The following CUL9 variants were observed in gnomAD, a reference collection of about 807,000 sequenced individuals.
CUL9 encodes cullin 9.
CUL9 carries 79 observed loss-of-function variants against 272.6 expected under a neutral mutation model. That is an observed-to-expected ratio of 0.29 (90% CI 0.24 to 0.35). The LOEUF (loss-of-function observed/expected upper bound fraction) is 0.35. Among genes scored for constraint, CUL9 ranks in the 10% least tolerant of loss-of-function variants. The probability of loss-of-function intolerance (pLI) is 1.00; values close to 1 mark genes in which losing one functional copy is unlikely to be tolerated. For missense variants in CUL9, 2,532 were observed against 3,255.6 expected (o/e 0.78, Z 5.41); for synonymous variants, 1,186 against 1,286.5 (o/e 0.92, Z 1.67).
intron 16 of CUL9, among the ~76,000 whole-genome samples, chr6:43,202,190 C>T (rs1774647619): frequency 6.6e-6 from 1 of 152,062 alleles, no homozygotes; most frequent in Admixed American, 6.6e-5. Context: ...GTTTTATTTC[C>T]CAGGAGAGAA....
chr6:43,192,012 GTTTATA>G (rs1463883178), intron 8 of CUL9, among the ~76,000 whole-genome samples: 1 of 143,456 alleles, frequency 7.0e-6, no homozygotes, highest in Non-Finnish European at 1.5e-5. Flanking sequence ...GTTATTACAA[GTTTATA>G]TTTATATTTT....
Position 43,222,266 on chromosome 6 carries a change from C to T in CUL9, c.6847-50C>T, listed in dbSNP as rs755506717. The T allele has an allele frequency of 1.4e-5, 21 of 1,497,756 alleles. 1 individual carries two copies. The highest frequency in any genetic ancestry group is 1.4e-4 in the South Asian group (12 of 88,256). The allele number at this position is 1,497,756 out of a possible 1,614,324, so 92.8% of individuals were successfully genotyped here. ...GTTGGCTTTTCCACTTATTAACTCC[C>T]TCCTGTCCAAACAAAACACCCAATA... On this transcript the variant is annotated intron_variant, in intron 35 of 40. Coordinates refer to ENST00000252050, the MANE Select transcript of CUL9 (RefSeq NM_015089.4).
intron 4 of CUL9, 24 bp downstream of exon 4, chr6:43,186,479 C>A: frequency 1.9e-6 from 3 of 1,564,752 alleles, no homozygotes; most frequent in Non-Finnish European, 2.6e-6. Flanking sequence ...GGTGGTGAGA[C>A]ACTGTTGGGA....
intron 26 of CUL9, among the ~76,000 whole-genome samples, chr6:43,211,568 A>T (rs763639246): frequency 1.8e-4 from 27 of 151,550 alleles, no homozygotes; most frequent in African/African-American, 4.8e-4. Context: ...AAAAACAAAT[A>T]AAAAAAAAGT....
At chr6:43,189,932 G>A (rs1773287308) in intron 8 of CUL9, among the ~76,000 whole-genome samples, 1 of 152,164 alleles carries the variant, frequency 6.6e-6, no homozygotes, top group Admixed American at 6.5e-5. Context: ...CTACAGATTT[G>A]CATTTGTAAT....
chr6:43,186,853 T>C lies in CUL9; in HGVS notation c.1252-107T>C, dbSNP rs1336978962. 3.0e-6 allele frequency: 4 copies of C among 1,352,824 alleles called. No homozygotes were observed. In the African/African-American group the frequency reaches 4.4e-5, roughly 15 times the overall value. The allele number at this position is 1,352,824 out of a possible 1,614,324, so 83.8% of individuals were successfully genotyped here. On this transcript the variant is annotated intron_variant, in intron 4 of 40. Coordinates refer to ENST00000252050, the MANE Select transcript of CUL9 (RefSeq NM_015089.4). ...GCTTAGCCAGGTGTGTATCTGAGGG[T>C]GCGCCCCAGATCTATGCTTGGGCAT...
Position 43,197,283 on chromosome 6 carries a change from G to T in CUL9, c.2803+421G>T, listed in dbSNP as rs1308605912. Among the ~76,000 whole-genome samples, 4 of 151,910 alleles carry T rather than the reference G, an allele frequency of 2.6e-5. No homozygotes were observed. In the East Asian group the frequency reaches 7.8e-4, roughly 29 times the overall value. On this transcript the variant is annotated intron_variant, in intron 11 of 40. Coordinates refer to ENST00000252050, the MANE Select transcript of CUL9 (RefSeq NM_015089.4). ...GCTGATCTGGAACTCCTGACCTCAG[G>T]AGATCCACTGCCTCGGCCTCCCAAA... is the stretch of plus-strand genomic sequence containing the variant.
rs1244516606 is a variant in CUL9 at position 43,218,531 on chromosome 6, G to C, written c.6283-1928G>C. The stretch of plus-strand genomic sequence containing the variant: ...GCGCCCGGCCCTACATTTTTTAAAA[G>C]ATCGCTTCTGCCGTTGTGTGGAGAA... On this transcript the variant is annotated intron_variant, in intron 31 of 40. Coordinates refer to ENST00000252050, the MANE Select transcript of CUL9 (RefSeq NM_015089.4). This position sits in a 1 kb window ranked among gnomAD's most constrained non-coding sequence, Gnocchi z 4.4. Among the ~76,000 whole-genome samples the C allele has an allele frequency of 6.6e-6, 1 of 152,208 alleles. No homozygotes were observed. Among genetic ancestry groups the C allele is most frequent in the Non-Finnish European group, 1.5e-5 (1 of 68,034 alleles).
chr6:43,204,591 T>G, intron 21 of CUL9, 52 bp downstream of exon 21: 1 of 1,607,468 alleles, frequency 6.2e-7, no homozygotes, highest in Non-Finnish European at 8.5e-7. Flanking sequence ...GTGGTGTATC[T>G]GGCTCCCTCC....
At chr6:43,204,102 C>T in intron 20 of CUL9, 115 bp downstream of exon 20, 1 of 1,344,090 alleles carries the variant, frequency 7.4e-7, no homozygotes, top group Non-Finnish European at 1.0e-6. Context: ...GAAGGCCTGT[C>T]ACCTCAGTGT....
Position 43,193,188 on chromosome 6 carries a change from G to A in CUL9, c.2368G>A (p.Val790Met). ...GCAAGAATATAAGACTTCTGTCTTG[G>A]TGCAGCAGGCTGGGCTGGCGGTGAG... The part of the protein sequence containing the change: ...CMQEYKTSVL[V>M]QQAGLAALKM... The change falls in exon 9 of 41, where the codon GTG (valine) becomes ATG (methionine). Residue 790 changes from valine (V) to methionine (M), a missense_variant. This residue lies in a region of CUL9 where 2,218 missense variants were observed against 2,788.6 expected (regional missense o/e 0.80). Transcript: ENST00000252050. 1 of 1,614,108 alleles carries A rather than the reference G, an allele frequency of 6.2e-7. No homozygotes were observed. The highest frequency in any genetic ancestry group is 2.2e-5 in the East Asian group (1 of 44,878).
Position 43,203,510 on chromosome 6 carries a change from T to C in CUL9, c.3943T>C (p.Cys1315Arg), listed in dbSNP as rs902893043. ...LFREQLCRRT[C>R]LFYTIRAQAW... ...CCGGGAGCAGCTGTGTCGCCGAACA[T>C]GTCTCTTCTACACAATTCGGGCACA... The change falls in exon 19 of 41, where the codon TGT (cysteine) becomes CGT (arginine). Residue 1315 changes from cysteine to arginine, a missense_variant. This residue lies in a region of CUL9 where 2,218 missense variants were observed against 2,788.6 expected (regional missense o/e 0.80). Coordinates refer to ENST00000252050, the MANE Select transcript of CUL9 (RefSeq NM_015089.4). This position sits in a 1 kb window ranked among gnomAD's most constrained non-coding sequence, Gnocchi z 5.0. The C allele has an allele frequency of 1.4e-5, 22 of 1,613,996 alleles. No homozygotes were observed. The highest frequency in any genetic ancestry group is 4.0e-5 in the African/African-American group (3 of 74,888).
At chr6:43,182,587 C>G (rs1158182607) in intron 1 of CUL9, among the ~76,000 whole-genome samples, 1 of 151,904 alleles carries the variant, frequency 6.6e-6, no homozygotes, top group African/African-American at 2.4e-5. Context: ...CTACCTCCTC[C>G]TATCCGATTC....
chr6:43,222,940 C>G (rs747336257), intron 38 of CUL9, 44 bp downstream of exon 38: 7 of 1,527,392 alleles, frequency 4.6e-6, no homozygotes, highest in South Asian at 2.3e-5. Context: ...GCCTCCTCCC[C>G]TCTGTTGCAC....
chr6:43,206,631 G>A lies in CUL9; in HGVS notation c.5212+121G>A. 1 of 803,648 alleles carries A rather than the reference G, an allele frequency of 1.2e-6. No homozygotes were observed. Among genetic ancestry groups the A allele is most frequent in the Admixed American group, 2.7e-5 (1 of 37,368 alleles). The allele number at this position is 803,648 out of a possible 1,614,324, so 49.8% of individuals were successfully genotyped here. A position where few individuals can be genotyped will look rare whatever the true frequency, so the allele number is the denominator to read the frequency against. ...AGAAAAATATCAGCTCCTAGCGAGG[G>A]ATGAGAAAGCATGGGTTGTAGTTTC... On this transcript the variant is annotated intron_variant, in intron 26 of 40. Coordinates refer to ENST00000252050, the MANE Select transcript of CUL9 (RefSeq NM_015089.4). The surrounding 1 kb of genome is among the most constrained non-coding windows in gnomAD (Gnocchi z 4.8).
chr6:43,211,565 A>T (rs138140745), intron 26 of CUL9, among the ~76,000 whole-genome samples: 2 of 152,300 alleles, frequency 1.3e-5, no homozygotes, highest in African/African-American at 4.8e-5. Context: ...CTCAAAAACA[A>T]ATAAAAAAAA....
rs1276232226 is a variant in CUL9 at position 43,199,789 on chromosome 6, T to A, written c.3157-140T>A. 1 of 689,144 alleles carries A rather than the reference T, an allele frequency of 1.5e-6. No individual in the cohort carries two copies. Among genetic ancestry groups the A allele is most frequent in the Non-Finnish European group, 2.5e-6 (1 of 396,386 alleles). 42.7% of individuals were successfully genotyped at this position (689,144 alleles called of 1,614,324 possible). The stretch of plus-strand genomic sequence containing the variant: ...CTCCTCTATTTTACTCCACCCTGAA[T>A]TTGGTACTCTTGTTTCCCTGGGCGT... On this transcript the variant is annotated intron_variant, in intron 13 of 40. Transcript: ENST00000252050. The surrounding 1 kb of genome is among the most constrained non-coding windows in gnomAD (Gnocchi z 4.4).
chr6:43,203,435 GTTC>G lies in CUL9; in HGVS notation c.3869_3871del (p.Val1290_Arg1291delinsGly). ...GTTCCAGGGCGGCATTGACACCCGGGTTCGGGGTGTGGAGGTCCTGGGCCCTAA... is the reference window on the plus strand; with the variant it reads ...GTTCCAGGGCGGCATTGACACCCGGGGGGGTGTGGAGGTCCTGGGCCCTAA... On this transcript the variant is annotated inframe_deletion, in exon 19 of 41. Transcript: ENST00000252050. This position sits in a 1 kb window ranked among gnomAD's most constrained non-coding sequence, Gnocchi z 5.0. 1 of 1,614,172 alleles carries G rather than the reference GTTC, an allele frequency of 6.2e-7. No individual in the cohort carries two copies. The highest frequency in any genetic ancestry group is 8.5e-7 in the Non-Finnish European group (1 of 1,180,036).
In CUL9 at chr6:43,223,487, C is replaced by T. The variant is rs940588417; in HGVS notation, c.7284+90C>T. On this transcript the variant is annotated intron_variant, in intron 39 of 40. Coordinates refer to ENST00000252050, the MANE Select transcript of CUL9 (RefSeq NM_015089.4). This position sits in a 1 kb window ranked among gnomAD's most constrained non-coding sequence, Gnocchi z 4.1. ...GCACAGCCCCTGCCCTGGGGCGAGT[C>T]CAGAAGGAAAGGCAGCAAAGCGGGT... 1 of 1,466,272 alleles carries T rather than the reference C, an allele frequency of 6.8e-7. No homozygotes were observed. The highest frequency in any genetic ancestry group is 1.3e-5 in the South Asian group (1 of 74,578). 90.8% of individuals were successfully genotyped at this position (1,466,272 alleles called of 1,614,324 possible).
Sources: allele counts gnomAD v4.1 joint callset (sites outside exome capture counted in the v4.1 genomes callset), GRCh38; gene constraint gnomAD v4.1.1; regional missense constraint gnomAD v4.1.1; non-coding constraint Gnocchi (gnomAD v3.1); transcripts MANE v1.5; gene names NCBI Gene and HGNC (gene_info 2026-07-23, HGNC 2026-07-21).